Variants in ZNF713 observed in about 807,000 individuals in gnomAD.
ZNF713 encodes the protein zinc finger protein 713.
ZNF713 carries 21 observed loss-of-function variants against 28.7 expected under a neutral mutation model. The observed-to-expected ratio is 0.73, with a 90% CI of 0.52 to 1.05. ZNF713 has a LOEUF of 1.05. Ranked by LOEUF, ZNF713 falls within the 50% of genes least tolerant of loss-of-function variation. The pLI is 0.00. For missense variants in ZNF713, 458 were observed against 532.4 expected, an observed-to-expected ratio of 0.86 and a Z score of 1.37; for synonymous variants, 167 against 178.0, an observed-to-expected ratio of 0.94 and a Z score of 0.49.
rs547732275 is a variant in ZNF713 at position 55,904,419 on chromosome 7, C to T, written c.-582-1834C>T. Among the ~76,000 whole-genome samples, 105 of 44,120 alleles carry T rather than the reference C, an allele frequency of 2.4e-3. 27 individuals are homozygous for T. Among genetic ancestry groups the T allele is most frequent in the Non-Finnish European group, 4.2e-3 (78 of 18,662 alleles). The allele number at this position is 44,120 out of a possible 152,430, so 28.9% of individuals were successfully genotyped here. A position where few individuals can be genotyped will look rare whatever the true frequency, so the allele number is the denominator to read the frequency against. On this transcript the variant is annotated intron_variant, in intron 1 of 6. Transcript: ENST00000429591. ...CAGAGGTTGCAGTGAGCTAAGATCACACCACTGCACCCTAGCCAGGACAAC... is the reference window on the plus strand; with the variant it reads ...CAGAGGTTGCAGTGAGCTAAGATCATACCACTGCACCCTAGCCAGGACAAC...
intron 1 of ZNF713, among the ~76,000 whole-genome samples, chr7:55,890,031 G>C (rs1247881740): frequency 6.6e-6 from 1 of 152,170 alleles, no homozygotes; most frequent in Non-Finnish European, 1.5e-5. Context: ...TTGCAGAAGG[G>C]ACTGGCATCT....
chr7:55,890,327 G>C (rs1474207355), intron 1 of ZNF713, among the ~76,000 whole-genome samples: 1 of 151,822 alleles, frequency 6.6e-6, no homozygotes, highest in African/African-American at 2.4e-5. Context: ...GTGGGTGCCT[G>C]TAATCCCAGC....
intron 4 of ZNF713, among the ~76,000 whole-genome samples, chr7:55,914,349 AT>A (rs1785841925): frequency 6.6e-6 from 1 of 151,756 alleles, no homozygotes; most frequent in South Asian, 2.1e-4. Flanking sequence ...ATTGAAGGGG[AT>A]TTTTTTGGTT....
At chr7:55,903,776 A>G (rs994052533) in intron 1 of ZNF713, among the ~76,000 whole-genome samples, 2 of 151,978 alleles carry the variant, frequency 1.3e-5, no homozygotes, top group African/African-American at 4.8e-5. Context: ...AGGAGTAGAT[A>G]TCATGGGGGT....
intron 6 of ZNF713, among the ~76,000 whole-genome samples, chr7:55,933,741 G>A (rs1235462024): frequency 2.0e-5 from 3 of 152,256 alleles, no homozygotes; most frequent in African/African-American, 7.2e-5. Flanking sequence ...TCTGGCTCTT[G>A]TCACCCAGGC....
intron 1 of ZNF713, among the ~76,000 whole-genome samples, chr7:55,903,679 C>CA (rs1204440973): frequency 2.1e-5 from 3 of 142,692 alleles, no homozygotes; most frequent in Non-Finnish European, 3.0e-5. Flanking sequence ...AAAAAAAAAA[C>CA]AAAAAAAAAC....
At position 55,937,438 on chromosome 7, in the gene ZNF713, C is replaced by T. The variant is rs559217831; in HGVS notation, c.308-1544C>T. Among the ~76,000 whole-genome samples the T allele has an allele frequency of 1.8e-4, 27 of 152,018 alleles. No individual in the cohort carries two copies. In the South Asian group the frequency reaches 5.4e-3, roughly 30 times the overall value. ...GAGACTCATTGGGAGAGGGTAGAGT[C>T]GGGGAGCGGCTCAGGCAGGGAGAAA... is the stretch of plus-strand genomic sequence containing the variant. On this transcript the variant is annotated intron_variant, in intron 6 of 6. Coordinates refer to ENST00000429591, the MANE Select transcript of ZNF713 (RefSeq NM_182633.3).
intron 4 of ZNF713, among the ~76,000 whole-genome samples, chr7:55,922,737 G>A (rs191281167): frequency 1.6e-3 from 242 of 152,218 alleles, no homozygotes; most frequent in African/African-American, 5.7e-3. Flanking sequence ...TTATTTAGAT[G>A]TAATGCCATT....
At chr7:55,915,868 C>G (rs890878687) in intron 4 of ZNF713, among the ~76,000 whole-genome samples, 3 of 152,080 alleles carry the variant, frequency 2.0e-5, no homozygotes, top group Non-Finnish European at 2.9e-5. Flanking sequence ...AATAAGTAAT[C>G]CAATTCTACA....
intron 1 of ZNF713, among the ~76,000 whole-genome samples, chr7:55,892,611 G>A (rs1360103762): frequency 2.9e-5 from 4 of 139,470 alleles, no homozygotes; most frequent in African/African-American, 5.3e-5. Context: ...GGTGGCTCAC[G>A]CCTGTAATCC....
Position 55,939,668 on chromosome 7 carries a change from C to T in ZNF713, c.994C>T (p.His332Tyr), listed in dbSNP as rs765771537. 6.2e-7 allele frequency: 1 copy of T among 1,614,202 alleles called. No homozygotes were observed. ...CCGTCAGCATTCATCCTTTACTCAA[C>T]ATCTGAGGATTCATACTGGAGAAAA... ...AFRQHSSFTQ[H>Y]LRIHTGEKPY... Residue 332 changes from histidine to tyrosine, a missense_variant, in exon 7 of 7, where the codon CAT becomes TAT. Coordinates refer to ENST00000429591, the MANE Select transcript of ZNF713 (RefSeq NM_182633.3).
chr7:55,935,127 G>A (rs73132897), intron 6 of ZNF713, among the ~76,000 whole-genome samples: 42,215 of 151,444 alleles, frequency 0.28, 6,201 homozygotes, highest in Middle Eastern at 0.38. Flanking sequence ...CTGACCTCAC[G>A]ATCCGCCCAC....
rs1214634617 is a variant in ZNF713 at position 55,935,868 on chromosome 7, T to C, written c.308-3114T>C. ...TACTCAGGAGGCTGAGGCAGGAGAA[T>C]GGCGTGAACCTGGGAGGCAGCGCTT... is the stretch of plus-strand genomic sequence containing the variant. On this transcript the variant is annotated intron_variant, in intron 6 of 6. Transcript: ENST00000429591. Among the ~76,000 whole-genome samples the C allele has an allele frequency of 2.0e-5, 3 of 151,426 alleles. No individual in the cohort carries two copies. In the East Asian group the frequency reaches 5.8e-4, roughly 29 times the overall value.
intron 1 of ZNF713, among the ~76,000 whole-genome samples, chr7:55,888,765 A>T (rs1463946169): frequency 1.2e-5 from 1 of 85,016 alleles, no homozygotes; most frequent in African/African-American, 5.2e-5. Context: ...TTTTCATTTA[A>T]AATGTTTAGG....
intron 4 of ZNF713, among the ~76,000 whole-genome samples, chr7:55,920,314 C>T (rs1041797382): frequency 6.6e-6 from 1 of 152,182 alleles, no homozygotes; most frequent in Non-Finnish European, 1.5e-5. Flanking sequence ...GCCAAACAGC[C>T]AAGTCATGTG....
At chr7:55,931,837 G>A (rs1272898892) in intron 6 of ZNF713, among the ~76,000 whole-genome samples, 1 of 152,176 alleles carries the variant, frequency 6.6e-6, no homozygotes, top group East Asian at 1.9e-4. Flanking sequence ...TAGAGCTTAG[G>A]CAATGAATGC....
At chr7:55,914,190 A>G (rs1391915717) in intron 4 of ZNF713, among the ~76,000 whole-genome samples, 1 of 152,118 alleles carries the variant, frequency 6.6e-6, no homozygotes, top group Admixed American at 6.5e-5. Flanking sequence ...TTAAATTAAA[A>G]TAAAATATTT....
At chr7:55,923,434 C>T (rs1786031918) in intron 5 of ZNF713, 146 bp downstream of exon 5, 1 of 1,185,142 alleles carries the variant, frequency 8.4e-7, no homozygotes, top group Admixed American at 2.6e-5. Flanking sequence ...CCTTTGTTTT[C>T]TGCTCTTTCT....
chr7:55,937,394 G>A (rs1269954210), intron 6 of ZNF713, among the ~76,000 whole-genome samples: 1 of 152,150 alleles, frequency 6.6e-6, no homozygotes, highest in Non-Finnish European at 1.5e-5. Flanking sequence ...GGGGAAAGAA[G>A]CAAGAGAGTA....
Sources: gnomAD v4.1 joint callset for allele counts (sites outside exome capture counted in the v4.1 genomes callset) on GRCh38, gnomAD v4.1.1 for gene constraint, MANE v1.5 for transcripts, NCBI Gene and HGNC (gene_info 2026-07-23, HGNC 2026-07-21) for gene names.